XRN1: variants seen among roughly 807,000 people sequenced by gnomAD.
The protein encoded by XRN1 is 5'-3' exoribonuclease 1, also known as strand-exchange protein 1 homolog.
In XRN1, 67 loss-of-function variants were observed where a neutral mutation model predicts 222.3. The observed-to-expected ratio is 0.30, with a 90% CI of 0.25 to 0.37. The LOEUF is 0.37. XRN1 is among the 10% of genes least tolerant of loss of function. The probability of loss-of-function intolerance (pLI) is 1.00; values close to 1 mark genes in which losing one functional copy is unlikely to be tolerated. For synonymous variants in XRN1, 643 were observed against 652.4 expected, an observed-to-expected ratio of 0.99 and a Z score of 0.22; for missense variants, 1,707 against 2,000.2, an observed-to-expected ratio of 0.85 and a Z score of 2.80.
intron 15 of XRN1, among the ~76,000 whole-genome samples, chr3:142,406,667 CAGGT>C (rs748269764): frequency 4.9e-4 from 75 of 152,096 alleles, no homozygotes; most frequent in Non-Finnish European, 9.4e-4. Context: ...GCTGGGAATA[CAGGT>C]ATACACCACA....
chr3:142,369,671 A>C (rs968023252), intron 27 of XRN1, among the ~76,000 whole-genome samples: 2 of 151,058 alleles, frequency 1.3e-5, no homozygotes, highest in East Asian at 1.9e-4. Flanking sequence ...AAAAAAAAAA[A>C]CAAGAGTATA....
intron 37 of XRN1, among the ~76,000 whole-genome samples, chr3:142,319,904 G>GTA (rs1425125451): frequency 6.8e-6 from 1 of 146,156 alleles, no homozygotes; most frequent in Admixed American, 6.7e-5. Context: ...CATGGTGTGT[G>GTA]TATACACACA....
At chr3:142,368,026 T>C (rs2066872578) in intron 27 of XRN1, among the ~76,000 whole-genome samples, 1 of 150,738 alleles carries the variant, frequency 6.6e-6, no homozygotes, top group Non-Finnish European at 1.5e-5. Context: ...TATATGCATA[T>C]ATGTATGATC....
intron 32 of XRN1, among the ~76,000 whole-genome samples, chr3:142,347,850 G>A (rs988131939): frequency 1.3e-5 from 2 of 151,488 alleles, no homozygotes; most frequent in African/African-American, 2.4e-5. Flanking sequence ...CTCCCACCTC[G>A]GCCTCCCAAA....
At chr3:142,383,762 T>G (rs1238059563) in intron 21 of XRN1, among the ~76,000 whole-genome samples, 1 of 152,162 alleles carries the variant, frequency 6.6e-6, no homozygotes, top group Non-Finnish European at 1.5e-5. Context: ...AGTCACTTAA[T>G]CACTACACTG....
chr3:142,406,977 T>A (rs894075008), intron 15 of XRN1, among the ~76,000 whole-genome samples: 1 of 152,248 alleles, frequency 6.6e-6, no homozygotes, highest in Non-Finnish European at 1.5e-5. Flanking sequence ...CATGCCTTTT[T>A]ATTAGCATAA....
rs139358969 is a variant in XRN1, at chr3:142,318,705, A to G, written c.4519-11T>C. The G allele has an allele frequency of 1.4e-5, 23 of 1,610,202 alleles. No individual in the cohort carries two copies. The East Asian group carries it at 4.7e-4, about 33-fold the overall frequency. ...CATGCCTAAGGAGCCCTGTGGAAGT[A>G]TTTAAAAGTTACAAGACAATGCAAT... On this transcript the variant is annotated splice_polypyrimidine_tract_variant and intron_variant, in intron 38 of 40. Coordinates refer to ENST00000392981, the MANE Select transcript of XRN1 (RefSeq NM_001282857.2).
chr3:142,419,452 C>T (rs11714244), intron 10 of XRN1, among the ~76,000 whole-genome samples: 15,641 of 152,122 alleles, frequency 0.1, 949 homozygotes, highest in Non-Finnish European at 0.14. Context: ...GTTGCCCCTC[C>T]TGGAGCAAGA....
At chr3:142,406,038 T>C (rs1297772305) in intron 15 of XRN1, among the ~76,000 whole-genome samples, 1 of 151,466 alleles carries the variant, frequency 6.6e-6, no homozygotes, top group Non-Finnish European at 1.5e-5. Flanking sequence ...TTCTAATATA[T>C]AAAGTAGCTA....
chr3:142,383,324 A>T lies in XRN1; in HGVS notation c.2592T>A (p.Thr864=). The T allele has an allele frequency of 6.2e-7, 1 of 1,613,696 alleles. No individual in the cohort carries two copies. The change falls in exon 22 of 41, where the codon ACT becomes ACA. Residue 864 remains threonine, a synonymous_variant. Transcript: ENST00000392981. The part of the protein sequence containing the change: ...PLRSMVFMLG[T]PYYGCTGEVQ... ...CTTCTCCAGTGCAGCCATAATAGGG[A>T]GTTCCCAGCATAAAGACCATACTTC...
chr3:142,353,228 A>T (rs1360308574), intron 32 of XRN1, among the ~76,000 whole-genome samples: 1 of 152,160 alleles, frequency 6.6e-6, no homozygotes, highest in Non-Finnish European at 1.5e-5. Flanking sequence ...GTAAATAACT[A>T]AAAAAACCCT....
intron 1 of XRN1, among the ~76,000 whole-genome samples, chr3:142,443,486 G>A (rs1422763934): frequency 6.6e-6 from 1 of 152,198 alleles, no homozygotes; most frequent in Non-Finnish European, 1.5e-5. Context: ...AAAACAGGAG[G>A]TAAAGAAATA....
chr3:142,346,167 C>T (rs1311692287), intron 33 of XRN1, among the ~76,000 whole-genome samples: 2 of 152,146 alleles, frequency 1.3e-5, no homozygotes, highest in Non-Finnish European at 2.9e-5. Context: ...TAAAATGTAG[C>T]ATTCATACAA....
At chr3:142,317,094 G>T (rs975788631) in intron 39 of XRN1, among the ~76,000 whole-genome samples, 6 of 152,070 alleles carry the variant, frequency 3.9e-5, no homozygotes, top group Non-Finnish European at 7.4e-5. Flanking sequence ...TCTAATTTTT[G>T]ATCTTTGTAC....
At chr3:142,441,084 A>G (rs1158431805) in intron 1 of XRN1, among the ~76,000 whole-genome samples, 4 of 152,190 alleles carry the variant, frequency 2.6e-5, no homozygotes, top group Non-Finnish European at 4.4e-5. Context: ...AAGGTTTCCA[A>G]ACCAAAGGCT....
intron 15 of XRN1, among the ~76,000 whole-genome samples, chr3:142,405,875 T>C (rs1238122534): frequency 6.6e-6 from 1 of 152,124 alleles, no homozygotes; most frequent in Non-Finnish European, 1.5e-5. Flanking sequence ...TAGGTGGTAT[T>C]GATAATTTAG....
chr3:142,343,545 G>A (rs756685459), intron 33 of XRN1, among the ~76,000 whole-genome samples: 39 of 151,992 alleles, frequency 2.6e-4, no homozygotes, highest in Non-Finnish European at 3.2e-4. Flanking sequence ...TCATGTCACC[G>A]CAGATAAAAT....
Position 142,383,370 on chromosome 3 carries a change from A to G in XRN1, c.2546T>C (p.Leu849Ser). The change falls in exon 22 of 41, where the codon TTG (leucine) becomes TCG (serine). Residue 849 changes from leucine to serine, a missense_variant. Transcript: ENST00000392981. Reference protein sequence around the residue: ...FDSRFSNIKTLDDLFPLRSMV... With the variant: ...FDSRFSNIKTSDDLFPLRSMV... ...ACTTCTCAGAGGAAACAAATCATCC[A>G]ATGTTTTGATATTGGAGAAACGGGA... The G allele has an allele frequency of 1.9e-6, 3 of 1,614,052 alleles. No individual in the cohort carries two copies. The highest frequency in any genetic ancestry group is 2.5e-6 in the Non-Finnish European group (3 of 1,179,966).
intron 10 of XRN1, among the ~76,000 whole-genome samples, chr3:142,419,752 G>A (rs550735502): frequency 6.6e-6 from 1 of 151,794 alleles, no homozygotes; most frequent in Non-Finnish European, 1.5e-5. Flanking sequence ...AGGTTGCAGT[G>A]AGCCAAGATC....
Sources: allele counts gnomAD v4.1 joint callset (sites outside exome capture counted in the v4.1 genomes callset), GRCh38; gene constraint gnomAD v4.1.1; transcripts MANE v1.5; gene names NCBI Gene and HGNC (gene_info 2026-07-23, HGNC 2026-07-21).